Variants in TEX14 observed in about 807,000 individuals in gnomAD.
The protein encoded by TEX14 is inactive serine/threonine-protein kinase TEX14.
In TEX14, 168 loss-of-function variants were observed where a neutral mutation model predicts 178.6. The observed-to-expected ratio is 0.94, with a 90% confidence interval of 0.83 to 1.07. TEX14 has a LOEUF of 1.07. TEX14 is among the 50% of genes least tolerant of loss of function. The pLI, the probability that TEX14 is intolerant of heterozygous loss-of-function variation, is 0.00. For synonymous variants in TEX14, 626 were observed against 634.1 expected (o/e 0.99, Z 0.19); for missense variants, 1,730 against 1,753.6 (o/e 0.99, Z 0.24).
intron 1 of TEX14, among the ~76,000 whole-genome samples, chr17:58,682,550 G>A (rs1385407723): frequency 3.9e-5 from 6 of 151,980 alleles, no homozygotes; most frequent in African/African-American, 9.7e-5. Context: ...GAGCCACCAC[G>A]ACCACTCCTC....
Position 58,621,701 on chromosome 17 carries a change from G to C in TEX14, c.503C>G (p.Ser168Cys), listed in dbSNP as rs1170493772. 6.2e-7 allele frequency: 1 copy of C among 1,614,180 alleles called. No homozygotes were observed. The highest frequency in any genetic ancestry group is 1.7e-5 in the Admixed American group (1 of 60,024). Residue 168 changes from serine to cysteine, a missense_variant, in exon 5 of 32, where the codon TCC becomes TGC. Around this residue, in one of 2 missense-constraint regions of TEX14, gnomAD observed 789 missense variants for 681.2 expected, o/e 1.16. Coordinates refer to ENST00000349033, the MANE Select transcript of TEX14 (RefSeq NM_031272.5). ...CGGGCTGTAGACAAGCCGCTGCGGG[G>C]AGTCTATCTTCTTCAGGAGGTCGTA... ...FSYDLLKKIDSPQRLVYSPSW... is the reference protein window; with the variant it reads ...FSYDLLKKIDCPQRLVYSPSW...
intron 19 of TEX14, among the ~76,000 whole-genome samples, chr17:58,581,399 G>C (rs1255359315): frequency 6.6e-6 from 1 of 151,494 alleles, no homozygotes; most frequent in African/African-American, 2.4e-5. Flanking sequence ...AACTGCACAT[G>C]ACTTCCCATC....
intron 2 of TEX14, among the ~76,000 whole-genome samples, chr17:58,633,227 C>T (rs1598404681): frequency 6.6e-6 from 1 of 152,286 alleles, no homozygotes; most frequent in South Asian, 2.1e-4. Flanking sequence ...GTCCAAATGT[C>T]ATTGTCTCAG....
intron 2 of TEX14, among the ~76,000 whole-genome samples, chr17:58,646,583 C>G (rs1157660332): frequency 6.6e-6 from 1 of 152,182 alleles, no homozygotes; most frequent in African/African-American, 2.4e-5. Context: ...TCTCCCACCT[C>G]AGTCTGCAAG....
At chr17:58,609,270 C>T (rs931235938) in intron 10 of TEX14, among the ~76,000 whole-genome samples, 4 of 152,180 alleles carry the variant, frequency 2.6e-5, no homozygotes, top group East Asian at 1.9e-4. Context: ...CCACCACGCC[C>T]GGCTAATTTT....
At chr17:58,646,494 C>T (rs552830340) in intron 2 of TEX14, among the ~76,000 whole-genome samples, 1 of 152,240 alleles carries the variant, frequency 6.6e-6, no homozygotes, top group East Asian at 1.9e-4. Flanking sequence ...CTCATCAACT[C>T]CTTTTCTTTT....
At chr17:58,634,694 C>T (rs561283634) in intron 2 of TEX14, among the ~76,000 whole-genome samples, 20 of 152,274 alleles carry the variant, frequency 1.3e-4, no homozygotes, top group African/African-American at 4.8e-4. Context: ...GCATGGATCT[C>T]TCAGAGTTAC....
In TEX14 at chr17:58,633,607, T is replaced by C. The variant is rs201388650; in HGVS notation, c.137-3053A>G. ...CACTTTGGGAGGCTGGGCAGATCAC[T>C]TGAGGTCAGGAGTTTGAGACCAGCC... On this transcript the variant is annotated intron_variant, in intron 2 of 31. Coordinates refer to ENST00000349033, the MANE Select transcript of TEX14 (RefSeq NM_031272.5). Among the ~76,000 whole-genome samples the C allele has an allele frequency of 2.6e-5, 4 of 151,690 alleles. No homozygotes were observed. In the East Asian group the frequency reaches 5.9e-4, roughly 22 times the overall value.
chr17:58,680,132 T>C (rs1222804820), intron 1 of TEX14, among the ~76,000 whole-genome samples: 1 of 152,068 alleles, frequency 6.6e-6, no homozygotes, highest in African/African-American at 2.4e-5. Flanking sequence ...CAGGCTGGGG[T>C]ACAGTAGTTA....
At chr17:58,616,344 G>C (rs757112959) in intron 6 of TEX14, 39 bp from the exon 7 acceptor site, 1 of 1,599,426 alleles carries the variant, frequency 6.3e-7, no homozygotes, top group South Asian at 1.1e-5. Flanking sequence ...GGGGAGAAGG[G>C]GGGAAAAGCA....
At chr17:58,597,299 T>G (rs1041542658) in intron 14 of TEX14, among the ~76,000 whole-genome samples, 1 of 152,040 alleles carries the variant, frequency 6.6e-6, no homozygotes, top group African/African-American at 2.4e-5. Flanking sequence ...CTCGGGAGGC[T>G]GAGGCAGGAG....
chr17:58,665,168 T>G (rs2047183229), intron 1 of TEX14, among the ~76,000 whole-genome samples: 1 of 152,056 alleles, frequency 6.6e-6, no homozygotes, highest in Non-Finnish European at 1.5e-5. Flanking sequence ...TATTATTTTA[T>G]ATTTATAGAG....
chr17:58,592,435 C>T (rs754334937), intron 15 of TEX14, among the ~76,000 whole-genome samples: 3 of 151,818 alleles, frequency 2.0e-5, no homozygotes, highest in Non-Finnish European at 2.9e-5. Context: ...CCTGGGTTCA[C>T]GCCATTTTCC....
rs1456026685 is a variant in TEX14, at chr17:58,565,802, G to T, written c.3909C>A (p.Gly1303=). The T allele has an allele frequency of 6.2e-7, 1 of 1,608,272 alleles. No homozygotes were observed. The change falls in exon 27 of 32, where the codon GGC becomes GGA. Residue 1303 remains glycine, a synonymous_variant. Coordinates refer to ENST00000349033, the MANE Select transcript of TEX14 (RefSeq NM_031272.5). ...DDIELLKQQQ[G]SSTVLHENTA... is the part of the protein sequence containing the mutation. Reference sequence around the variant, plus strand: ...TGTTCTCATGCAACACCGTGGATGAGCCCTGCTGCTGTTTCAAGAGCTCTG... The same window carrying T: ...TGTTCTCATGCAACACCGTGGATGATCCCTGCTGCTGTTTCAAGAGCTCTG...
Position 58,601,817 on chromosome 17 carries a change from A to C in TEX14, c.1667T>G (p.Leu556Arg), listed in dbSNP as rs199975770. 1 of 1,612,652 alleles carries C rather than the reference A, an allele frequency of 6.2e-7. No individual in the cohort carries two copies. The highest frequency in any genetic ancestry group is 8.5e-7 in the Non-Finnish European group (1 of 1,179,928). ...RETPDMEIIE[L>R]KEMGSQPHSP... ...AATTAAGGCCATACCCATTTCCTTT[A>C]GTTCTATGATTTCCATGTCAGGTGT... The change falls in exon 13 of 32, where the codon CTA becomes CGA. Residue 556 changes from leucine (L) to arginine (R), a missense_variant. Coordinates refer to ENST00000349033, the MANE Select transcript of TEX14 (RefSeq NM_031272.5).
At chr17:58,577,284 G>A in intron 21 of TEX14, 91 bp downstream of exon 21, 1 of 519,342 alleles carries the variant, frequency 1.9e-6, no homozygotes, top group Admixed American at 3.8e-5. Flanking sequence ...TAATACATCT[G>A]AAGACAAGCA....
intron 1 of TEX14, among the ~76,000 whole-genome samples, chr17:58,687,615 G>C (rs752868398): frequency 2.6e-5 from 4 of 151,960 alleles, no homozygotes; most frequent in Non-Finnish European, 5.9e-5. Flanking sequence ...TTACAGGTGT[G>C]AGCCACTGCA....
intron 1 of TEX14, among the ~76,000 whole-genome samples, chr17:58,687,710 C>T (rs1159511415): frequency 2.6e-5 from 4 of 152,096 alleles, no homozygotes; most frequent in African/African-American, 9.7e-5. Context: ...ACAAAAATTT[C>T]ATATTATTCC....
At chr17:58,666,953 G>A (rs1039227228) in intron 1 of TEX14, among the ~76,000 whole-genome samples, 2 of 152,110 alleles carry the variant, frequency 1.3e-5, no homozygotes, top group African/African-American at 2.4e-5. Context: ...GTCAGAGAGC[G>A]CAACTGCGTT....
Sources: gnomAD v4.1 joint callset for allele counts (sites outside exome capture counted in the v4.1 genomes callset) on GRCh38, gnomAD v4.1.1 for gene constraint, gnomAD v4.1.1 regional missense constraint, MANE v1.5 for transcripts, NCBI Gene and HGNC (gene_info 2026-07-23, HGNC 2026-07-21) for gene names.